NEK5: variants seen among roughly 807,000 people sequenced by gnomAD.
NEK5 encodes the protein serine/threonine-protein kinase Nek5.
A neutral mutation model predicts 109.2 loss-of-function variants in NEK5; 88 were observed. That is an observed-to-expected ratio of 0.81 (90% CI 0.68 to 0.96). The LOEUF (loss-of-function observed/expected upper bound fraction) is 0.96, where lower values mean the gene tolerates loss of function less well. Ranked by LOEUF, NEK5 falls within the 40% of genes least tolerant of loss-of-function variation. The probability of loss-of-function intolerance (pLI) is 0.00; values close to 1 mark genes in which losing one functional copy is unlikely to be tolerated. For synonymous variants in NEK5, 283 were observed against 299.9 expected, an observed-to-expected ratio of 0.94 and a Z score of 0.58; for missense variants, 834 against 920.7, an observed-to-expected ratio of 0.91 and a Z score of 1.22.
intron 17 of NEK5, 55 bp from the exon 18 acceptor site, chr13:52,076,198 T>C: frequency 1.1e-6 from 1 of 938,662 alleles, no homozygotes; most frequent in Non-Finnish European, 1.7e-6. Context: ...ATGAGTTGAT[T>C]TCTGCGTTAA....
At chr13:52,086,172 T>A in intron 16 of NEK5, 105 bp downstream of exon 16, 1 of 807,850 alleles carries the variant, frequency 1.2e-6, no homozygotes, top group Admixed American at 2.3e-5. Context: ...ATCTCTATGA[T>A]AAAACTTTAT....
At chr13:52,056,241 AGC>A (rs1954554077) in intron 22 of NEK5, among the ~76,000 whole-genome samples, 1 of 151,688 alleles carries the variant, frequency 6.6e-6, no homozygotes, top group Non-Finnish European at 1.5e-5. Context: ...CAACAAGAAG[AGC>A]TAACTATCCT....
At chr13:52,041,935 A>AT (rs967109481) in intron 23 of NEK5, among the ~76,000 whole-genome samples, 3 of 152,064 alleles carry the variant, frequency 2.0e-5, no homozygotes, top group African/African-American at 7.2e-5. Flanking sequence ...TTCTCAAAAG[A>AT]AAGTGAAGCA....
intron 19 of NEK5, among the ~76,000 whole-genome samples, chr13:52,075,448 T>C (rs769800005): frequency 2.0e-5 from 3 of 152,082 alleles, no homozygotes; most frequent in East Asian, 1.9e-4. Flanking sequence ...TGGGTACTCA[T>C]GGACATAAAG....
intron 19 of NEK5, among the ~76,000 whole-genome samples, chr13:52,074,247 A>G (rs1954828779): frequency 6.6e-6 from 1 of 152,258 alleles, no homozygotes; most frequent in African/African-American, 2.4e-5. Context: ...ATAAGACTAC[A>G]GTAATCAAAA....
At chr13:52,060,017 TA>T (rs1174274325) in intron 22 of NEK5, among the ~76,000 whole-genome samples, 2 of 152,106 alleles carry the variant, frequency 1.3e-5, no homozygotes, top group South Asian at 2.1e-4. Flanking sequence ...TGTGTTTACT[TA>T]AAAAAGGTTT....
intron 22 of NEK5, among the ~76,000 whole-genome samples, chr13:52,056,961 A>T (rs1954561755): frequency 6.6e-6 from 1 of 152,196 alleles, no homozygotes; most frequent in Non-Finnish European, 1.5e-5. Flanking sequence ...GCAGAACTGA[A>T]GGAAATAGAG....
intron 15 of NEK5, among the ~76,000 whole-genome samples, chr13:52,087,078 C>T (rs1955161254): frequency 2.6e-5 from 4 of 152,122 alleles, no homozygotes; most frequent in South Asian, 2.1e-4. Context: ...TTACAGCAGC[C>T]CAGGAAACTA....
At chr13:52,083,931 G>A (rs1216633560) in intron 16 of NEK5, among the ~76,000 whole-genome samples, 1 of 152,116 alleles carries the variant, frequency 6.6e-6, no homozygotes, top group Non-Finnish European at 1.5e-5. Context: ...CCATGAGCCA[G>A]GCCTCTGCTC....
At chr13:52,081,616 CAAT>C (rs1955015380) in intron 17 of NEK5, among the ~76,000 whole-genome samples, 1 of 152,136 alleles carries the variant, frequency 6.6e-6, no homozygotes, top group Admixed American at 6.5e-5. Flanking sequence ...AGTAGAGAGA[CAAT>C]AATCATTCCT....
chr13:52,040,053 C>A (rs532231361), intron 23 of NEK5, among the ~76,000 whole-genome samples: 2 of 150,708 alleles, frequency 1.3e-5, no homozygotes, highest in Admixed American at 6.6e-5. Flanking sequence ...CAAAAGCTAG[C>A]CCTTACCAGA....
Position 52,076,095 on chromosome 13 carries a change from T to G in NEK5, c.1621A>C (p.Ser541Arg), listed in dbSNP as rs1371013106. ...KQMRLQNTKE[S>R]KNPEQKYKAK... The stretch of plus-strand genomic sequence containing the variant: ...TTATATTTCTGTTCTGGATTTTTAC[T>G]TTCCTTTGTGTTCTGAAGCCTCATT... The change falls in exon 18 of 24, where the codon AGT becomes CGT. Residue 541 changes from serine (S) to arginine (R), a missense_variant. Coordinates refer to ENST00000684899, the MANE Select transcript of NEK5 (RefSeq NM_001365552.1). 6.2e-7 allele frequency: 1 copy of G among 1,602,366 alleles called. No individual in the cohort carries two copies. Among genetic ancestry groups the G allele is most frequent in the Non-Finnish European group, 8.5e-7 (1 of 1,172,556 alleles).
At chr13:52,102,046 A>C in intron 10 of NEK5, 32 bp from the exon 11 acceptor site, 1 of 1,612,480 alleles carries the variant, frequency 6.2e-7, no homozygotes, top group South Asian at 1.1e-5. Context: ...AAGGACCTGC[A>C]ACCCAAAATC....
intron 3 of NEK5, among the ~76,000 whole-genome samples, chr13:52,124,720 T>C (rs956658750): frequency 1.3e-5 from 2 of 152,248 alleles, no homozygotes; most frequent in South Asian, 2.1e-4. Flanking sequence ...GCAAATATTT[T>C]TGGCACCTTC....
chr13:52,046,481 T>TAA (rs201537093), intron 23 of NEK5, among the ~76,000 whole-genome samples: 27 of 135,356 alleles, frequency 2.0e-4, no homozygotes, highest in South Asian at 9.5e-4. Flanking sequence ...CCTGTATGTT[T>TAA]AAAAAAAAAA....
At chr13:52,085,857 C>A (rs1955130411) in intron 16 of NEK5, among the ~76,000 whole-genome samples, 1 of 152,122 alleles carries the variant, frequency 6.6e-6, no homozygotes. Context: ...CCTTTAGAAC[C>A]TTACCCTGCA....
Position 52,110,401 on chromosome 13 carries a change from GA to G in NEK5, c.405del (p.Ser137AlafsTer14), listed in dbSNP as rs1955734855. The G allele has an allele frequency of 6.2e-7, 1 of 1,613,040 alleles. No homozygotes were observed. The highest frequency in any genetic ancestry group is 1.3e-5 in the African/African-American group (1 of 74,892). On this transcript the variant is annotated frameshift_variant, in exon 7 of 24. Coordinates refer to ENST00000684899, the MANE Select transcript of NEK5 (RefSeq NM_001365552.1). LOFTEE classifies it high-confidence loss of function. Reference protein sequence around the residue: ...LHRDIKAQNIFLSKNGMVAKL... With the variant: ...LHRDIKAQNIXLSKNGMVAKL... The stretch of plus-strand genomic sequence containing the variant: ...TTTGCCACCATTCCGTTCTTGCTAA[GA>G]AAAATGTTCTATAAATGGAGAAAAT...
At chr13:52,040,475 G>GT (rs1954404282) in intron 23 of NEK5, among the ~76,000 whole-genome samples, 1 of 152,176 alleles carries the variant, frequency 6.6e-6, no homozygotes, top group South Asian at 2.1e-4. Context: ...AAGGTATTGT[G>GT]TTAGAGTAGC....
At position 52,119,394 on chromosome 13, in the gene NEK5, C is replaced by T; in HGVS notation, c.139G>A (p.Ala47Thr). Reference protein sequence around the residue: ...FEKMPIQEKEASKKEVILLEK... With the variant: ...FEKMPIQEKETSKKEVILLEK... ...AGAAGAATCACTTCTTTCTTTGAAG[C>T]TTCTTTTTCTTGTATGGGCATCTAA... Residue 47 changes from alanine (A) to threonine (T), a missense_variant, in exon 4 of 24, where the codon GCT becomes ACT. Physicochemically the swap from Ala to Thr is moderately conservative, Grantham distance 58. Transcript: ENST00000684899. The T allele has an allele frequency of 6.3e-7, 1 of 1,593,270 alleles. No individual in the cohort carries two copies. The highest frequency in any genetic ancestry group is 8.6e-7 in the Non-Finnish European group (1 of 1,164,244).
Sources: gnomAD v4.1 joint callset for allele counts (sites outside exome capture counted in the v4.1 genomes callset) on GRCh38, gnomAD v4.1.1 for gene constraint, MANE v1.5 for transcripts, NCBI Gene and HGNC (gene_info 2026-07-23, HGNC 2026-07-21) for gene names.